Variants in UST observed in about 807,000 individuals in gnomAD.
The protein encoded by UST is uronyl 2-sulfotransferase.
In UST, 21 loss-of-function variants were observed where a neutral mutation model predicts 45.6. That is an observed-to-expected ratio of 0.46 (90% CI 0.33 to 0.66). The LOEUF is 0.66. UST is among the 30% of genes least tolerant of loss of function. The pLI is 0.02. For synonymous variants in UST, 215 were observed against 200.6 expected, an observed-to-expected ratio of 1.07 and a Z score of -0.61; for missense variants, 463 against 512.4, an observed-to-expected ratio of 0.90 and a Z score of 0.93.
At chr6:148,760,048 A>G (rs1034675874) in intron 1 of UST, among the ~76,000 whole-genome samples, 17 of 152,304 alleles carry the variant, frequency 1.1e-4, no homozygotes, top group Middle Eastern at 3.4e-3. Flanking sequence ...CTTTGGACCC[A>G]AACACTTATT....
intron 1 of UST, among the ~76,000 whole-genome samples, chr6:148,860,109 G>T (rs1032166446): frequency 6.6e-6 from 1 of 152,174 alleles, no homozygotes; most frequent in African/African-American, 2.4e-5. Flanking sequence ...TCACGATATT[G>T]ATTCTTCCTA....
At chr6:148,915,881 G>C (rs527243832) in intron 2 of UST, among the ~76,000 whole-genome samples, 139 of 152,074 alleles carry the variant, frequency 9.1e-4, no homozygotes, top group Middle Eastern at 3.4e-3. Flanking sequence ...AGGGTGGTGT[G>C]GGGGAGGGTT....
intron 1 of UST, among the ~76,000 whole-genome samples, chr6:148,862,523 A>C (rs1778339105): frequency 1.3e-5 from 2 of 152,140 alleles, no homozygotes; most frequent in South Asian, 4.1e-4. Flanking sequence ...GTTGTGTGTG[A>C]ATTTGATCCT....
At chr6:148,859,339 G>C (rs1324512670) in intron 1 of UST, among the ~76,000 whole-genome samples, 1 of 152,166 alleles carries the variant, frequency 6.6e-6, no homozygotes, top group Non-Finnish European at 1.5e-5. Context: ...TGATGGGGTT[G>C]TTTGATTTTT....
intron 1 of UST, among the ~76,000 whole-genome samples, chr6:148,813,796 A>G (rs761373967): frequency 2.0e-5 from 3 of 152,142 alleles, no homozygotes; most frequent in African/African-American, 7.2e-5. Context: ...TGTAAAGCAA[A>G]CCTGCTGTAG....
intron 1 of UST, among the ~76,000 whole-genome samples, chr6:148,752,833 G>A (rs1006829909): frequency 3.9e-5 from 6 of 152,124 alleles, no homozygotes; most frequent in African/African-American, 7.2e-5. Flanking sequence ...CAATGAAAAC[G>A]CATCTTATTT....
At chr6:148,841,588 T>TTG (rs1491484649) in intron 1 of UST, among the ~76,000 whole-genome samples, 1 of 82,566 alleles carries the variant, frequency 1.2e-5, no homozygotes, top group Non-Finnish European at 2.5e-5. Context: ...TTTGTTTTTG[T>TTG]TTTTTTTTTC....
chr6:148,862,461 T>C (rs1017490494), intron 1 of UST, among the ~76,000 whole-genome samples: 5 of 152,242 alleles, frequency 3.3e-5, no homozygotes, highest in Non-Finnish European at 7.3e-5. Context: ...AATTTGCCAG[T>C]CTGTGTCTTT....
intron 1 of UST, among the ~76,000 whole-genome samples, chr6:148,771,486 G>T (rs958114318): frequency 2.2e-4 from 33 of 152,156 alleles, no homozygotes; most frequent in African/African-American, 6.8e-4. Flanking sequence ...AGTCATTTTT[G>T]TTTCTAAACC....
intron 7 of UST, among the ~76,000 whole-genome samples, chr6:149,040,660 A>T (rs1776299867): frequency 6.6e-6 from 1 of 152,160 alleles, no homozygotes. Flanking sequence ...CTTCTCAATT[A>T]ATTAGTTAAT....
intron 1 of UST, among the ~76,000 whole-genome samples, chr6:148,878,890 A>G (rs1159519224): frequency 2.0e-5 from 3 of 151,952 alleles, no homozygotes; most frequent in African/African-American, 7.3e-5. Context: ...CAGGACTGAC[A>G]GAATATCCCC....
chr6:148,751,699 A>G (rs1438185810), intron 1 of UST, among the ~76,000 whole-genome samples: 1 of 152,142 alleles, frequency 6.6e-6, no homozygotes, highest in Non-Finnish European at 1.5e-5. Flanking sequence ...CAAATGCTAC[A>G]CTTAAGCTTG....
chr6:148,876,779 C>T (rs1362531766), intron 1 of UST, among the ~76,000 whole-genome samples: 2 of 151,770 alleles, frequency 1.3e-5, no homozygotes, highest in African/African-American at 4.8e-5. Flanking sequence ...TGTTGTTGTT[C>T]TCTATTGGAT....
intron 1 of UST, among the ~76,000 whole-genome samples, chr6:148,796,461 T>TA (rs1372055787): frequency 1.3e-4 from 20 of 151,988 alleles, no homozygotes; most frequent in African/African-American, 4.1e-4. Flanking sequence ...CTGTCTCTAC[T>TA]AAAAATACAA....
intron 2 of UST, among the ~76,000 whole-genome samples, chr6:148,924,821 A>G (rs887995131): frequency 7.2e-5 from 11 of 152,154 alleles, no homozygotes; most frequent in South Asian, 2.1e-4. Context: ...GCCAGGCTGC[A>G]TGAATTCAGG....
At chr6:148,993,956 C>CTTTTTTTTTTTTTTTTT (rs57552256) in intron 5 of UST, among the ~76,000 whole-genome samples, 2 of 95,366 alleles carry the variant, frequency 2.1e-5, no homozygotes, top group Non-Finnish European at 1.9e-5. Context: ...TATTTCTTTC[C>CTTTTTTTTTTTTTTTTT]TTTTTTTTTT....
At chr6:148,771,108 G>GA (rs1406798573) in intron 1 of UST, among the ~76,000 whole-genome samples, 5 of 152,096 alleles carry the variant, frequency 3.3e-5, no homozygotes. Context: ...AAAATGGAAA[G>GA]AAAAATCTCC....
intron 2 of UST, among the ~76,000 whole-genome samples, chr6:148,911,805 T>G (rs1779480531): frequency 6.6e-6 from 1 of 152,226 alleles, no homozygotes; most frequent in Non-Finnish European, 1.5e-5. Context: ...GTTCTTGTAT[T>G]AATTGTCTTA....
At chr6:148,750,845 A>G (rs1775975751) in intron 1 of UST, among the ~76,000 whole-genome samples, 1 of 152,190 alleles carries the variant, frequency 6.6e-6, no homozygotes, top group East Asian at 1.9e-4. Context: ...GCTGGACAAC[A>G]ACTGGGAGTA....
Sources: allele counts gnomAD v4.1 joint callset (sites outside exome capture counted in the v4.1 genomes callset), GRCh38; gene constraint gnomAD v4.1.1; transcripts MANE v1.5; gene names NCBI Gene and HGNC (gene_info 2026-07-23, HGNC 2026-07-21).